The following TSHZ1 variants were observed in gnomAD, a reference collection of about 807,000 sequenced individuals.
TSHZ1 encodes the protein teashirt homolog 1.
Under a neutral mutation model 67.1 loss-of-function variants are expected in TSHZ1, and 12 were observed. The ratio of observed to expected loss-of-function variants is 0.18; its 90% CI spans 0.11 to 0.29. The LOEUF (loss-of-function observed/expected upper bound fraction) is 0.29. Among genes scored for constraint, TSHZ1 ranks in the 10% least tolerant of loss-of-function variants. The pLI, the probability that TSHZ1 is intolerant of heterozygous loss-of-function variation, is 1.00. For synonymous variants in TSHZ1, 632 were observed against 622.4 expected (o/e 1.02, Z -0.23); for missense variants, 1,305 against 1,413.9 (o/e 0.92, Z 1.23).
intron 1 of TSHZ1, among the ~76,000 whole-genome samples, chr18:75,223,226 TTGTC>T (rs2022872543): frequency 6.6e-6 from 1 of 152,236 alleles, no homozygotes; most frequent in Non-Finnish European, 1.5e-5. Flanking sequence ...ATAAATTCGT[TTGTC>T]TGTTTCTATA....
At chr18:75,256,677 A>G (rs996737462) in intron 1 of TSHZ1, among the ~76,000 whole-genome samples, 2 of 152,216 alleles carry the variant, frequency 1.3e-5, no homozygotes, top group African/African-American at 2.4e-5. Context: ...ATGTGGGGAA[A>G]AATCTCATTT....
chr18:75,230,969 A>G (rs2022990990), intron 1 of TSHZ1, among the ~76,000 whole-genome samples: 1 of 152,252 alleles, frequency 6.6e-6, no homozygotes, highest in Non-Finnish European at 1.5e-5. Context: ...AGCCAGTTAA[A>G]AAAAACCTGT....
chr18:75,265,507 T>C (rs2023479609), intron 1 of TSHZ1, among the ~76,000 whole-genome samples: 1 of 152,222 alleles, frequency 6.6e-6, no homozygotes, highest in Non-Finnish European at 1.5e-5. Flanking sequence ...AAAAATTAAA[T>C]GACGTCGTAG....
intron 1 of TSHZ1, among the ~76,000 whole-genome samples, chr18:75,217,880 G>T (rs976847893): frequency 6.6e-6 from 1 of 152,138 alleles, no homozygotes; most frequent in African/African-American, 2.4e-5. Context: ...GTTATAAAAA[G>T]AAACCTCAAA....
chr18:75,259,751 A>T (rs571242423), intron 1 of TSHZ1, among the ~76,000 whole-genome samples: 2 of 152,226 alleles, frequency 1.3e-5, no homozygotes, highest in African/African-American at 4.8e-5. Flanking sequence ...TGTATAATGT[A>T]TCCCCTGCAA....
At chr18:75,212,025 G>C in intron 1 of TSHZ1, 109 bp downstream of exon 1, 1 of 859,558 alleles carries the variant, frequency 1.2e-6, no homozygotes, top group Non-Finnish European at 1.5e-6. Flanking sequence ...CCCCAAGCTG[G>C]GGAGGGGAGG....
At position 75,210,902 on chromosome 18, in the gene TSHZ1, G is replaced by GGC. The variant is rs2022669582; in HGVS notation, c.-974_-973insCG. Reference sequence around the variant, plus strand: ...CCTCTCTCCCAGGAGTTTGAGGGGGGGGGGGACAGTCCACGCTCATCTCGC... The same window carrying GGC: ...CCTCTCTCCCAGGAGTTTGAGGGGGGGCGGGGGACAGTCCACGCTCATCTCGC... On this transcript the variant is annotated 5_prime_UTR_variant, in exon 1 of 2. Transcript: ENST00000580243. 6.6e-6 allele frequency: 1 copy of GGC among 151,008 alleles called. No individual in the cohort carries two copies. The highest frequency in any genetic ancestry group is 2.4e-5 in the African/African-American group (1 of 41,016). The allele number at this position is 151,008 out of a possible 1,614,324, so 9.4% of individuals were successfully genotyped here.
chr18:75,267,833 G>A (rs1309147974), intron 1 of TSHZ1, among the ~76,000 whole-genome samples: 1 of 152,114 alleles, frequency 6.6e-6, no homozygotes, highest in Non-Finnish European at 1.5e-5. Flanking sequence ...ATTTTACATC[G>A]TCTCCTCGAC....
At chr18:75,214,175 G>A (rs1441242793) in intron 1 of TSHZ1, among the ~76,000 whole-genome samples, 1 of 152,194 alleles carries the variant, frequency 6.6e-6, no homozygotes, top group Admixed American at 6.5e-5. Flanking sequence ...CATTAACGTG[G>A]ATTCCTAGCA....
chr18:75,266,148 C>T (rs2023488231), intron 1 of TSHZ1, among the ~76,000 whole-genome samples: 1 of 152,216 alleles, frequency 6.6e-6, no homozygotes, highest in South Asian at 2.1e-4. Context: ...TGACAGACCA[C>T]AGCCCATGAT....
rs1480909673 is a variant in TSHZ1 at position 75,289,940 on chromosome 18, A to T, written c.*1299A>T. On this transcript the variant is annotated 3_prime_UTR_variant, in exon 2 of 2. Transcript: ENST00000580243. Reference sequence around the variant, plus strand: ...AAAATAAACCCACATGCAGTTCTTGATTTACACGGATTGTCATGTCGTCAT... The same window carrying T: ...AAAATAAACCCACATGCAGTTCTTGTTTTACACGGATTGTCATGTCGTCAT... 1 of 167,002 alleles carries T rather than the reference A, an allele frequency of 6.0e-6. No homozygotes were observed. Among genetic ancestry groups the T allele is most frequent in the Non-Finnish European group, 1.5e-5 (1 of 68,112 alleles). The allele number at this position is 167,002 out of a possible 1,614,324, so 10.3% of individuals were successfully genotyped here. A position where few individuals can be genotyped will look rare whatever the true frequency, so the allele number is the denominator to read the frequency against.
At position 75,288,658 on chromosome 18, in the gene TSHZ1, A is replaced by G; in HGVS notation, c.*17A>G. The G allele has an allele frequency of 6.4e-7, 1 of 1,563,816 alleles. No homozygotes were observed. The highest frequency in any genetic ancestry group is 8.6e-7 in the Non-Finnish European group (1 of 1,156,148). On this transcript the variant is annotated 3_prime_UTR_variant, in exon 2 of 2. Transcript: ENST00000580243. The surrounding 1 kb of genome is among the most constrained non-coding windows in gnomAD (Gnocchi z 4.9). ...AAACAGTAGCGTCCAGGTATGCAAG[A>G]GACCGCGGAACATTGCACTAAACGT...
intron 1 of TSHZ1, chr18:75,220,973 G>A (rs945275624): frequency 1.3e-5 from 2 of 152,158 alleles, no homozygotes; most frequent in Non-Finnish European, 2.9e-5. Context: ...TCTTGTGATC[G>A]TGGCGCATTC....
chr18:75,241,586 C>T (rs972730579), intron 1 of TSHZ1, among the ~76,000 whole-genome samples: 2 of 152,178 alleles, frequency 1.3e-5, no homozygotes, highest in African/African-American at 4.8e-5. Flanking sequence ...TATACCTGGG[C>T]TACTAATGTT....
At chr18:75,266,625 G>C (rs375536222) in intron 1 of TSHZ1, among the ~76,000 whole-genome samples, 4 of 152,196 alleles carry the variant, frequency 2.6e-5, no homozygotes, top group African/African-American at 9.6e-5. Context: ...AAGCCAAAAA[G>C]TGGCACTAAA....
chr18:75,273,351 G>A (rs1458589434), intron 1 of TSHZ1, among the ~76,000 whole-genome samples: 1 of 152,176 alleles, frequency 6.6e-6, no homozygotes, highest in African/African-American at 2.4e-5. Context: ...TAATTGCTCA[G>A]AGCCAGTGTT....
intron 1 of TSHZ1, chr18:75,283,140 A>G (rs1042503004): frequency 6.6e-6 from 1 of 152,460 alleles, no homozygotes; most frequent in Non-Finnish European, 1.5e-5. Flanking sequence ...GCCTGCCGAC[A>G]TCTTAAACCT....
At position 75,285,740 on chromosome 18, in the gene TSHZ1, C is replaced by T. The variant is rs1297203315; in HGVS notation, c.333C>T (p.Asp111=). 1 of 1,614,054 alleles carries T rather than the reference C, an allele frequency of 6.2e-7. No individual in the cohort carries two copies. The highest frequency in any genetic ancestry group is 1.7e-5 in the Admixed American group (1 of 60,022). Residue 111 remains aspartate, a synonymous_variant, in exon 2 of 2, where the codon GAC becomes GAT. Transcript: ENST00000580243. ...QCPDSVSYPQ[D]SLAQIKAVYA... is the part of the protein sequence containing the mutation. ...CCGACAGCGTCTCGTACCCCCAGGACAGCCTGGCACAGATCAAAGCTGTGT... is the reference window on the plus strand; with the variant it reads ...CCGACAGCGTCTCGTACCCCCAGGATAGCCTGGCACAGATCAAAGCTGTGT...
intron 1 of TSHZ1, among the ~76,000 whole-genome samples, chr18:75,232,172 C>T (rs2023008025): frequency 6.6e-6 from 1 of 152,178 alleles, no homozygotes; most frequent in Non-Finnish European, 1.5e-5. Flanking sequence ...CTCAGCCTCC[C>T]AAAGTGCTGG....
Sources: allele counts gnomAD v4.1 joint callset (sites outside exome capture counted in the v4.1 genomes callset), GRCh38; gene constraint gnomAD v4.1.1; non-coding constraint Gnocchi (gnomAD v3.1); transcripts MANE v1.5; gene names NCBI Gene and HGNC (gene_info 2026-07-23, HGNC 2026-07-21).